SOS2: variants seen among roughly 807,000 people sequenced by gnomAD.
SOS2 encodes son of sevenless homolog 2.
Under a neutral mutation model 148.2 loss-of-function variants are expected in SOS2, and 65 were observed. The observed-to-expected ratio is 0.44, with a 90% CI of 0.36 to 0.54. The LOEUF is 0.54. Ranked by LOEUF, SOS2 falls within the 20% of genes least tolerant of loss-of-function variation. SOS2 has a pLI of 0.00. For synonymous variants in SOS2, 539 were observed against 537.1 expected, an observed-to-expected ratio of 1.00 and a Z score of -0.05; for missense variants, 1,341 against 1,590.2, an observed-to-expected ratio of 0.84 and a Z score of 2.67.
chr14:50,221,321 C>A (rs1388938936), intron 1 of SOS2, among the ~76,000 whole-genome samples: 1 of 152,114 alleles, frequency 6.6e-6, no homozygotes, highest in Admixed American at 6.5e-5. Flanking sequence ...AATTCCCAGG[C>A]CAAACACCCA....
chr14:50,184,094 T>C (rs1595002897), intron 5 of SOS2, among the ~76,000 whole-genome samples: 1 of 152,268 alleles, frequency 6.6e-6, no homozygotes, highest in African/African-American at 2.4e-5. Flanking sequence ...ACAGTAAAAA[T>C]ATAGTATAAT....
intron 7 of SOS2, among the ~76,000 whole-genome samples, chr14:50,178,670 G>GTGTATATATATATA (rs1566839555): frequency 4.4e-5 from 3 of 68,012 alleles, no homozygotes; most frequent in South Asian, 4.7e-4. Flanking sequence ...GTGTGTGTGT[G>GTGTATATATATATA]CATATATATA....
At chr14:50,167,055 C>A (rs1031563995) in intron 8 of SOS2, among the ~76,000 whole-genome samples, 2 of 151,730 alleles carry the variant, frequency 1.3e-5, no homozygotes. Context: ...AAAGAAATAA[C>A]CTAAAAACCC....
At chr14:50,215,176 C>T (rs1011545974) in intron 1 of SOS2, among the ~76,000 whole-genome samples, 3 of 151,970 alleles carry the variant, frequency 2.0e-5, no homozygotes, top group African/African-American at 7.3e-5. Context: ...AAGCCAAGGG[C>T]CCCACTCAGT....
intron 4 of SOS2, among the ~76,000 whole-genome samples, chr14:50,194,951 T>C (rs1336091792): frequency 6.6e-6 from 1 of 151,884 alleles, no homozygotes; most frequent in Non-Finnish European, 1.5e-5. Flanking sequence ...TTATCAGACT[T>C]GTACACTTTA....
At chr14:50,230,891 C>G in intron 1 of SOS2, 1 of 1,055,630 alleles carries the variant, frequency 9.5e-7, no homozygotes, top group East Asian at 6.6e-5. Flanking sequence ...GCGGGACTTT[C>G]TCTTGCCCGA....
chr14:50,204,505 T>C, intron 1 of SOS2, 96 bp from the exon 2 acceptor site: 1 of 739,054 alleles, frequency 1.4e-6, no homozygotes, highest in Non-Finnish European at 2.2e-6. Flanking sequence ...ACTATAATGG[T>C]TACTCAAAAC....
At chr14:50,218,218 GAAAAAAAAAAAAA>G (rs35149667) in intron 1 of SOS2, among the ~76,000 whole-genome samples, 1 of 95,820 alleles carries the variant, frequency 1.0e-5, no homozygotes, top group South Asian at 3.9e-4. Flanking sequence ...TCGATAAAAG[GAAAAAAAAAAAAA>G]AAAAAAAAAG....
intron 5 of SOS2, among the ~76,000 whole-genome samples, chr14:50,186,266 T>G (rs1885908023): frequency 6.6e-6 from 1 of 152,140 alleles, no homozygotes; most frequent in African/African-American, 2.4e-5. Flanking sequence ...AGTATTAAAA[T>G]AGACATTTTC....
chr14:50,138,627 T>C lies in SOS2; in HGVS notation c.2943A>G (p.Ile981Met). 6.5e-7 allele frequency: 1 copy of C among 1,547,136 alleles called. No individual in the cohort carries two copies. The highest frequency in any genetic ancestry group is 1.2e-5 in the South Asian group (1 of 80,208). ...AAATATTTACCCTCATATCTGGTTC[T>C]ATCCGTAAACAGTAAGGCTGATTCT... ...QYQNQPYCLR[I>M]EPDMRRFFEN... Residue 981 changes from isoleucine to methionine, a missense_variant, in exon 18 of 23, where the codon ATA becomes ATG. This residue lies in a region of SOS2 where 408 missense variants were observed against 506.6 expected (regional missense o/e 0.81). Coordinates refer to ENST00000216373, the MANE Select transcript of SOS2 (RefSeq NM_006939.4).
Position 50,140,036 on chromosome 14 carries a change from T to C in SOS2, c.2691A>G (p.Lys897=), listed in dbSNP as rs1210610107. The C allele has an allele frequency of 6.3e-7, 1 of 1,595,810 alleles. No individual in the cohort carries two copies. The highest frequency in any genetic ancestry group is 1.1e-5 in the South Asian group (1 of 89,526). Residue 897 remains lysine (K), a synonymous_variant, in exon 17 of 23, where the codon AAA becomes AAG. Transcript: ENST00000216373. ...TFEALQERKR[K]ILDEAVELSQ... Reference sequence around the variant, plus strand: ...TTAATTCCACAGCTTCGTCCAAAATTTTCCTTTTCCTTTCCTGCAGTGCCT... The same window carrying C: ...TTAATTCCACAGCTTCGTCCAAAATCTTCCTTTTCCTTTCCTGCAGTGCCT...
rs550060689 is a variant in SOS2 at position 50,145,765 on chromosome 14, C to T, written c.2385-169G>A. ...CCAAATAGCTACAAACACGAAAACA[C>T]ACTTTATCCCTTACTCAGGGAAAAT... On this transcript the variant is annotated intron_variant, in intron 14 of 22. Transcript: ENST00000216373. 7.9e-4 allele frequency among the ~76,000 whole-genome samples: 121 copies of T among 152,276 alleles called. 4 individuals carry two copies. In the South Asian group the frequency reaches 0.024, roughly 30 times the overall value.
At chr14:50,208,834 A>G (rs561292761) in intron 1 of SOS2, among the ~76,000 whole-genome samples, 1 of 152,334 alleles carries the variant, frequency 6.6e-6, no homozygotes, top group Admixed American at 6.5e-5. Context: ...CAGAATTGGT[A>G]AAGAAGAAAC....
chr14:50,180,818 G>T, intron 6 of SOS2, 136 bp from the exon 7 acceptor site: 1 of 498,380 alleles, frequency 2.0e-6, no homozygotes, highest in South Asian at 3.2e-5. Flanking sequence ...ATTCCAGCTC[G>T]AGCAACAGAG....
chr14:50,192,121 C>T (rs143838292), intron 4 of SOS2, among the ~76,000 whole-genome samples: 13 of 130,454 alleles, frequency 1.0e-4, no homozygotes, highest in Middle Eastern at 4.5e-3. Context: ...CACCGTACTC[C>T]GGCTTAGGTG....
At chr14:50,186,093 A>G (rs1344215595) in intron 5 of SOS2, among the ~76,000 whole-genome samples, 1 of 152,190 alleles carries the variant, frequency 6.6e-6, no homozygotes, top group Non-Finnish European at 1.5e-5. Context: ...GAGTAACTTA[A>G]GATCATTTTT....
chr14:50,210,220 G>GAGTCCACAAACA (rs1282758981), intron 1 of SOS2, among the ~76,000 whole-genome samples: 4 of 152,180 alleles, frequency 2.6e-5, no homozygotes, highest in African/African-American at 9.7e-5. Flanking sequence ...GGACATAACA[G>GAGTCCACAAACA]AGTCCACAAA....
intron 14 of SOS2, among the ~76,000 whole-genome samples, chr14:50,149,352 A>G (rs1262918355): frequency 2.0e-5 from 3 of 152,234 alleles, no homozygotes; most frequent in Non-Finnish European, 4.4e-5. Context: ...TCAAGGCAAC[A>G]TGGATGAGCC....
intron 18 of SOS2, among the ~76,000 whole-genome samples, chr14:50,137,834 T>A (rs904040157): frequency 1.3e-5 from 2 of 152,182 alleles, no homozygotes; most frequent in South Asian, 2.1e-4. Context: ...ACTCTTATAG[T>A]TAATATTTTT....
Sources: gnomAD v4.1 joint callset for allele counts (sites outside exome capture counted in the v4.1 genomes callset) on GRCh38, gnomAD v4.1.1 for gene constraint, gnomAD v4.1.1 regional missense constraint, MANE v1.5 for transcripts, NCBI Gene and HGNC (gene_info 2026-07-23, HGNC 2026-07-21) for gene names.